XKR6: variants seen among roughly 807,000 people sequenced by gnomAD.
XKR6 encodes XK related 6.
A neutral mutation model predicts 56.7 loss-of-function variants in XKR6; 22 were observed. The observed-to-expected ratio is 0.39, with a 90% CI of 0.28 to 0.55. The LOEUF (loss-of-function observed/expected upper bound fraction) is 0.55. Among genes scored for constraint, XKR6 ranks in the 20% least tolerant of loss-of-function variants. The pLI is 0.66. For synonymous variants in XKR6, 524 were observed against 387.8 expected (o/e 1.35, Z -4.13); for missense variants, 852 against 889.0 (o/e 0.96, Z 0.53).
intron 1 of XKR6, among the ~76,000 whole-genome samples, chr8:10,946,721 A>G (rs1358294482): frequency 6.6e-6 from 1 of 152,122 alleles, no homozygotes; most frequent in Non-Finnish European, 1.5e-5. Flanking sequence ...GGGTAGGCAC[A>G]GGGGACCCAG....
At chr8:10,984,812 T>G (rs1444304579) in intron 1 of XKR6, among the ~76,000 whole-genome samples, 1 of 147,002 alleles carries the variant, frequency 6.8e-6, no homozygotes, top group Non-Finnish European at 1.5e-5. Context: ...AATAACAGAC[T>G]TCAAGAATGG....
intron 1 of XKR6, among the ~76,000 whole-genome samples, chr8:11,036,264 C>G (rs1010898305): frequency 6.6e-6 from 1 of 152,264 alleles, no homozygotes; most frequent in East Asian, 1.9e-4. Flanking sequence ...TTCCTTCTTA[C>G]CAGGCAGAGA....
At chr8:10,980,960 C>T (rs1797720212) in intron 1 of XKR6, among the ~76,000 whole-genome samples, 2 of 152,064 alleles carry the variant, frequency 1.3e-5, no homozygotes, top group Admixed American at 1.3e-4. Flanking sequence ...GGCAGCAGAA[C>T]TCCATAAGCT....
chr8:10,940,567 CTT>C (rs980180475), intron 1 of XKR6, among the ~76,000 whole-genome samples: 93 of 152,330 alleles, frequency 6.1e-4, no homozygotes, highest in Middle Eastern at 3.4e-3. Flanking sequence ...TTTTTGATCT[CTT>C]TGTCGGCACC....
intron 1 of XKR6, among the ~76,000 whole-genome samples, chr8:11,053,600 C>G (rs992357108): frequency 6.6e-6 from 1 of 152,224 alleles, no homozygotes; most frequent in Non-Finnish European, 1.5e-5. Flanking sequence ...CTCCCAGAAA[C>G]AGATGAGCTC....
chr8:10,947,235 C>G (rs140735949), intron 1 of XKR6, among the ~76,000 whole-genome samples: 20 of 152,254 alleles, frequency 1.3e-4, no homozygotes, highest in Non-Finnish European at 2.8e-4. Context: ...GAAGACACGT[C>G]TGAGATTTGG....
At chr8:10,944,553 AAAGGC>A (rs1433268897) in intron 1 of XKR6, among the ~76,000 whole-genome samples, 1 of 152,180 alleles carries the variant, frequency 6.6e-6, no homozygotes, top group Non-Finnish European at 1.5e-5. Flanking sequence ...AGGACCACTC[AAAGGC>A]AAGGTCTGGC....
intron 1 of XKR6, among the ~76,000 whole-genome samples, chr8:11,068,086 G>C (rs1314582602): frequency 1.3e-5 from 2 of 152,212 alleles, no homozygotes; most frequent in Non-Finnish European, 2.9e-5. Flanking sequence ...TGACTCAATA[G>C]TGGTGTGTTG....
At position 10,920,679 on chromosome 8, in the gene XKR6, A is replaced by T. The variant is rs554810115; in HGVS notation, c.961+3955T>A. Among the ~76,000 whole-genome samples the T allele has an allele frequency of 5.3e-5, 8 of 152,294 alleles. No homozygotes were observed. In the East Asian group the frequency reaches 1.4e-3, roughly 26 times the overall value. On this transcript the variant is annotated intron_variant, in intron 2 of 2. Coordinates refer to ENST00000416569, the MANE Select transcript of XKR6 (RefSeq NM_173683.4). ...AAAATTGTCTCGTGATGAGGACACG[A>T]CTCTAGAAGTTAAGTAAGAGAGAAA... is the stretch of plus-strand genomic sequence containing the variant.
In XKR6 at chr8:11,201,119, A is replaced by C; in HGVS notation, c.221T>G (p.Leu74Arg). 6.8e-7 allele frequency: 1 copy of C among 1,470,994 alleles called. No individual in the cohort carries two copies. The highest frequency in any genetic ancestry group is 9.0e-7 in the Non-Finnish European group (1 of 1,114,710). 91.1% of individuals were successfully genotyped at this position (1,470,994 alleles called of 1,614,324 possible). A position where few individuals can be genotyped will look rare whatever the true frequency, so the allele number is the denominator to read the frequency against. Residue 74 changes from leucine (L) to arginine (R), a missense_variant, in exon 1 of 3, where the codon CTG (leucine) becomes CGG (arginine). This residue lies in a region of XKR6 where 417 missense variants were observed against 355.2 expected (regional missense o/e 1.17). Coordinates refer to ENST00000416569, the MANE Select transcript of XKR6 (RefSeq NM_173683.4). ...SCYWGCRSAC[L>R]RSLLGRKPRR... is the part of the protein sequence containing the mutation. The stretch of plus-strand genomic sequence containing the variant: ...CGGCTTCCTGCCCAGGAGGGAGCGC[A>C]GGCAGGCGGAGCGGCAGCCCCAGTA...
chr8:11,198,942 T>A (rs1804044762), intron 1 of XKR6, among the ~76,000 whole-genome samples: 3 of 148,904 alleles, frequency 2.0e-5, no homozygotes, highest in Non-Finnish European at 1.5e-5. Context: ...GTATCTCCAA[T>A]ACCAAACACA....
intron 1 of XKR6, among the ~76,000 whole-genome samples, chr8:11,062,027 G>A (rs780600102): frequency 1.3e-5 from 2 of 152,168 alleles, no homozygotes; most frequent in Non-Finnish European, 2.9e-5. Context: ...ATACATCCAG[G>A]GGAAAATCAT....
intron 1 of XKR6, among the ~76,000 whole-genome samples, chr8:11,168,489 T>C (rs1356744023): frequency 2.0e-5 from 3 of 152,056 alleles, no homozygotes; most frequent in East Asian, 1.9e-4. Context: ...ATAGAAGAAC[T>C]TGACAAAAGA....
intron 1 of XKR6, among the ~76,000 whole-genome samples, chr8:11,061,965 C>T (rs558933399): frequency 1.3e-5 from 2 of 152,180 alleles, no homozygotes; most frequent in Non-Finnish European, 2.9e-5. Flanking sequence ...CTCCTCCCTC[C>T]AAAGAGAAGG....
At chr8:10,931,730 G>A (rs1047586000) in intron 1 of XKR6, among the ~76,000 whole-genome samples, 3 of 151,920 alleles carry the variant, frequency 2.0e-5, no homozygotes, top group South Asian at 2.1e-4. Context: ...ATAGGTTAAC[G>A]TGTAAAACCA....
intron 1 of XKR6, among the ~76,000 whole-genome samples, chr8:10,968,054 C>T (rs1393453870): frequency 1.3e-5 from 2 of 152,212 alleles, no homozygotes; most frequent in Non-Finnish European, 2.9e-5. Flanking sequence ...GCAGCACCCC[C>T]CAGCCTTTCC....
At chr8:10,945,808 C>T (rs548360860) in intron 1 of XKR6, among the ~76,000 whole-genome samples, 12 of 152,280 alleles carry the variant, frequency 7.9e-5, no homozygotes, top group South Asian at 2.1e-4. Context: ...GGCCTAGCGC[C>T]GCGTCTCTGC....
intron 1 of XKR6, among the ~76,000 whole-genome samples, chr8:11,070,395 T>A (rs1260723922): frequency 3.3e-5 from 5 of 152,192 alleles, no homozygotes; most frequent in African/African-American, 1.2e-4. Flanking sequence ...AGATTTCACA[T>A]ATGTAGTCAA....
intron 1 of XKR6, among the ~76,000 whole-genome samples, chr8:10,966,392 G>A (rs529099685): frequency 1.3e-5 from 2 of 152,034 alleles, no homozygotes; most frequent in Admixed American, 1.3e-4. Flanking sequence ...AAGTTAGGCC[G>A]GGCATGGTGG....
Sources: allele counts gnomAD v4.1 joint callset (sites outside exome capture counted in the v4.1 genomes callset), GRCh38; gene constraint gnomAD v4.1.1; regional missense constraint gnomAD v4.1.1; transcripts MANE v1.5; gene names NCBI Gene and HGNC (gene_info 2026-07-23, HGNC 2026-07-21).